RAD51B: variants seen among roughly 807,000 people sequenced by gnomAD.
RAD51B encodes DNA repair protein RAD51 homolog 2.
In RAD51B, 38 loss-of-function variants were observed where a neutral mutation model predicts 42.2. The ratio of observed to expected loss-of-function variants is 0.90; its 90% CI spans 0.70 to 1.18. RAD51B has a LOEUF of 1.18. Among genes scored for constraint, RAD51B ranks in the 50% most tolerant of loss-of-function variants. RAD51B has a pLI of 0.00. For missense variants in RAD51B, 373 were observed against 400.7 expected, an observed-to-expected ratio of 0.93 and a Z score of 0.59; for synonymous variants, 154 against 145.2, an observed-to-expected ratio of 1.06 and a Z score of -0.43.
chr14:68,166,881 C>T (rs2078764561), intron 7 of RAD51B, among the ~76,000 whole-genome samples: 1 of 152,048 alleles, frequency 6.6e-6, no homozygotes, highest in Non-Finnish European at 1.5e-5. Flanking sequence ...AGCTGAAAAA[C>T]CCTCACCCCA....
At chr14:68,041,974 A>G (rs1377841575) in intron 7 of RAD51B, among the ~76,000 whole-genome samples, 1 of 152,180 alleles carries the variant, frequency 6.6e-6, no homozygotes, top group Non-Finnish European at 1.5e-5. Flanking sequence ...GGAAACAGTC[A>G]AAGTGCTGGG....
At chr14:68,606,621 G>A (rs1293199751) in intron 10 of RAD51B, among the ~76,000 whole-genome samples, 1 of 152,182 alleles carries the variant, frequency 6.6e-6, no homozygotes, top group African/African-American at 2.4e-5. Flanking sequence ...GTTCCCTGGG[G>A]TTCCTGACTT....
intron 7 of RAD51B, among the ~76,000 whole-genome samples, chr14:68,205,814 A>T (rs567690319): frequency 1.3e-5 from 2 of 152,248 alleles, no homozygotes; most frequent in African/African-American, 4.8e-5. Context: ...ATTCATCATG[A>T]TTCTATACCC....
At chr14:67,942,004 C>G (rs901546026) in intron 7 of RAD51B, among the ~76,000 whole-genome samples, 11 of 152,166 alleles carry the variant, frequency 7.2e-5, no homozygotes, top group East Asian at 3.8e-4. Flanking sequence ...TGCTTTTTTA[C>G]TTTCTGGGTA....
intron 8 of RAD51B, among the ~76,000 whole-genome samples, chr14:68,391,288 A>G (rs1028564883): frequency 6.6e-6 from 1 of 151,842 alleles, no homozygotes; most frequent in African/African-American, 2.4e-5. Context: ...GTTGTCACAT[A>G]TATATCAGTT....
intron 7 of RAD51B, among the ~76,000 whole-genome samples, chr14:68,090,152 T>C (rs190998497): frequency 3.9e-5 from 6 of 152,310 alleles, no homozygotes; most frequent in Admixed American, 2.6e-4. Context: ...GACATGAACA[T>C]AGAGTCCATC....
chr14:68,473,275 T>C (rs142071939), intron 10 of RAD51B, among the ~76,000 whole-genome samples: 104 of 152,240 alleles, frequency 6.8e-4, no homozygotes, highest in Non-Finnish European at 1.1e-3. Context: ...AGTGAACTCC[T>C]CTCCCAGAGG....
chr14:68,483,796 G>A (rs887192160), intron 10 of RAD51B, among the ~76,000 whole-genome samples: 1 of 152,184 alleles, frequency 6.6e-6, no homozygotes, highest in Admixed American at 6.5e-5. Context: ...CTTGCCTGGG[G>A]GCATTTCCAA....
At chr14:68,537,640 T>G (rs1566930514) in intron 10 of RAD51B, among the ~76,000 whole-genome samples, 4 of 152,212 alleles carry the variant, frequency 2.6e-5, no homozygotes, top group Admixed American at 2.0e-4. Context: ...AAACCCTTAA[T>G]GAAAAGTACT....
chr14:68,636,463 G>C (rs924727585), intron 10 of RAD51B, among the ~76,000 whole-genome samples: 1 of 151,694 alleles, frequency 6.6e-6, no homozygotes, highest in African/African-American at 2.4e-5. Context: ...GGCACCTGTA[G>C]TCCCGGCTAC....
At chr14:68,209,700 A>G (rs928388388) in intron 7 of RAD51B, among the ~76,000 whole-genome samples, 10 of 152,244 alleles carry the variant, frequency 6.6e-5, no homozygotes, top group Non-Finnish European at 1.3e-4. Context: ...CTTCGGATAC[A>G]CATGCCTTAA....
At chr14:68,141,438 T>C (rs2078126280) in intron 7 of RAD51B, among the ~76,000 whole-genome samples, 1 of 152,190 alleles carries the variant, frequency 6.6e-6, no homozygotes, top group Admixed American at 6.5e-5. Context: ...AAGAATATAC[T>C]ACTAAAGCAA....
chr14:67,985,356 G>A (rs2075166010), intron 7 of RAD51B, among the ~76,000 whole-genome samples: 1 of 152,180 alleles, frequency 6.6e-6, no homozygotes, highest in African/African-American at 2.4e-5. Context: ...AAGATGTTAT[G>A]TAAGAGACTC....
chr14:68,252,674 A>C (rs1006562086), intron 7 of RAD51B, among the ~76,000 whole-genome samples: 1 of 152,246 alleles, frequency 6.6e-6, no homozygotes, highest in African/African-American at 2.4e-5. Context: ...CATACTGAAT[A>C]TATACATACA....
At chr14:68,650,211 C>T (rs1231699480) in intron 10 of RAD51B, among the ~76,000 whole-genome samples, 1 of 152,206 alleles carries the variant, frequency 6.6e-6, no homozygotes, top group Non-Finnish European at 1.5e-5. Flanking sequence ...ACTGGCTTGA[C>T]CAATTTTCAT....
intron 7 of RAD51B, among the ~76,000 whole-genome samples, chr14:68,068,558 T>C (rs374559499): frequency 7.9e-5 from 12 of 152,358 alleles, no homozygotes; most frequent in African/African-American, 2.9e-4. Context: ...TTGGCTGTTA[T>C]GAATAATGCT....
At chr14:68,232,852 G>A (rs960337453) in intron 7 of RAD51B, among the ~76,000 whole-genome samples, 3 of 152,148 alleles carry the variant, frequency 2.0e-5, no homozygotes, top group African/African-American at 4.8e-5. Context: ...TCTCCAAGTT[G>A]ATTAATCATT....
chr14:68,026,640 T>C (rs186185785), intron 7 of RAD51B, among the ~76,000 whole-genome samples: 11 of 152,292 alleles, frequency 7.2e-5, no homozygotes, highest in Admixed American at 5.9e-4. Flanking sequence ...TTGAAGTCTG[T>C]TCTGTCTGAT....
intron 7 of RAD51B, among the ~76,000 whole-genome samples, chr14:68,104,501 T>C (rs1465234326): frequency 2.0e-5 from 3 of 152,186 alleles, no homozygotes; most frequent in East Asian, 3.8e-4. Flanking sequence ...TAGGGTGACA[T>C]GGTGAGACCA....
Sources: allele counts gnomAD v4.1 joint callset (sites outside exome capture counted in the v4.1 genomes callset), GRCh38; gene constraint gnomAD v4.1.1; transcripts MANE v1.5; gene names NCBI Gene and HGNC (gene_info 2026-07-23, HGNC 2026-07-21).